The following AATK variants were observed in gnomAD, a reference collection of about 807,000 sequenced individuals.
AATK encodes the protein lemur tail kinase 1.
In AATK, 91 loss-of-function variants were observed where a neutral mutation model predicts 114.3. The observed-to-expected ratio is 0.80, with a 90% CI of 0.67 to 0.95. The LOEUF is 0.95. AATK is among the 40% of genes least tolerant of loss of function. The pLI, the probability that AATK is intolerant of heterozygous loss-of-function variation, is 0.00. For synonymous variants in AATK, 1,075 were observed against 916.5 expected, an observed-to-expected ratio of 1.17 and a Z score of -3.12; for missense variants, 2,176 against 1,965.2, an observed-to-expected ratio of 1.11 and a Z score of -2.03.
chr17:81,126,749 G>T lies in AATK; in HGVS notation c.622-189C>A. 2 of 1,414,484 alleles carry T rather than the reference G, an allele frequency of 1.4e-6. No homozygotes were observed. Among genetic ancestry groups the T allele is most frequent in the East Asian group, 2.5e-5 (1 of 39,284 alleles). The allele number at this position is 1,414,484 out of a possible 1,614,324, so 87.6% of individuals were successfully genotyped here. On this transcript the variant is annotated intron_variant, in intron 6 of 13. Transcript: ENST00000326724. The surrounding 1 kb of genome is among the most constrained non-coding windows in gnomAD (Gnocchi z 5.1). ...CTGGAGGGGGGCCGTGTCCCCCAGG[G>T]CTGGGCTGGACTGAAGGCTTCCTCT... is the stretch of plus-strand genomic sequence containing the variant.
chr17:81,164,730 G>GC (rs1185379113), intron 1 of AATK, among the ~76,000 whole-genome samples: 1 of 152,156 alleles, frequency 6.6e-6, no homozygotes, highest in Non-Finnish European at 1.5e-5. Context: ...TCCACCCCCT[G>GC]CCCTTGGGCC....
chr17:81,133,292 C>A, intron 2 of AATK: 2 of 454,934 alleles, frequency 4.4e-6, no homozygotes, highest in South Asian at 1.6e-5. Context: ...CCGTCACCTG[C>A]CAGGCCAGCG....
rs933173063 is a variant in AATK, at chr17:81,123,256, C to T, written c.1050G>A (p.Thr350=). The T allele has an allele frequency of 1.6e-5, 22 of 1,406,684 alleles. No individual in the cohort carries two copies. The highest frequency in any genetic ancestry group is 2.1e-4 in the Middle Eastern group (1 of 4,842). 87.1% of individuals were successfully genotyped at this position (1,406,684 alleles called of 1,614,324 possible). The change falls in exon 10 of 14, where the codon ACG becomes ACA. Residue 350 remains threonine (T), a synonymous_variant. Coordinates refer to ENST00000326724, the MANE Select transcript of AATK (RefSeq NM_001080395.3). ...QHSDQQVLAY[T]VREQQLKLPK... ...GCAGCTTGAGCTGCTGCTCCCGGACCGTGTACGCCAGCACCTGCTGGTCCG... is the reference window on the plus strand; with the variant it reads ...GCAGCTTGAGCTGCTGCTCCCGGACTGTGTACGCCAGCACCTGCTGGTCCG...
rs750218022 is a variant in AATK at position 81,134,496 on chromosome 17, C to T, written c.61G>A (p.Ala21Thr). ...GGCCAGGACAGCTCGCTGAGCGGGG[C>T]GCCGTCTGCGGGAGAGCAGTGTGGT... Reference protein sequence around the residue: ...AFSSHFDPDGAPLSELSWPSS... With the variant: ...AFSSHFDPDGTPLSELSWPSS... Residue 21 changes from alanine (A) to threonine (T), a missense_variant, in exon 2 of 14, where the codon GCC becomes ACC. Physicochemically the swap from Ala to Thr is moderately conservative, Grantham distance 58. Around this residue, in one of 4 missense-constraint regions of AATK, gnomAD observed 178 missense variants for 175.4 expected, o/e 1.01. Transcript: ENST00000326724. The T allele has an allele frequency of 1.1e-5, 18 of 1,611,478 alleles. No individual in the cohort carries two copies. The highest frequency in any genetic ancestry group is 8.9e-5 in the East Asian group (4 of 44,820).
Position 81,121,746 on chromosome 17 carries a change from C to G in AATK, c.2190G>C (p.Gly730=). 2 of 1,505,564 alleles carry G rather than the reference C, an allele frequency of 1.3e-6. No individual in the cohort carries two copies. Among genetic ancestry groups the G allele is most frequent in the Non-Finnish European group, 1.8e-6 (2 of 1,130,614 alleles). The allele number at this position is 1,505,564 out of a possible 1,614,324, so 93.3% of individuals were successfully genotyped here. The change falls in exon 11 of 14, where the codon GGG becomes GGC. Residue 730 remains glycine (G), a synonymous_variant. Coordinates refer to ENST00000326724, the MANE Select transcript of AATK (RefSeq NM_001080395.3). ...GCTCCTGGGCAGAGGCTGCCTGGAG[C>G]CCAAGCAGAGGCTCTCCAGGGTACC... ...EPGYPGEPLL[G]LQAASAQEPG...
At chr17:81,124,471 C>T (rs993955451) in intron 9 of AATK, among the ~76,000 whole-genome samples, 5 of 152,222 alleles carry the variant, frequency 3.3e-5, no homozygotes, top group African/African-American at 1.2e-4. Flanking sequence ...ACAGACCCCC[C>T]GGCATGCTGA....
intron 1 of AATK, among the ~76,000 whole-genome samples, chr17:81,153,929 A>T (rs2061329395): frequency 1.3e-5 from 2 of 151,956 alleles, no homozygotes; most frequent in Non-Finnish European, 2.9e-5. Context: ...AAATTAACCC[A>T]GCGTGGTGGC....
intron 1 of AATK, among the ~76,000 whole-genome samples, chr17:81,163,606 G>A (rs976766364): frequency 6.6e-6 from 1 of 152,240 alleles, no homozygotes; most frequent in Non-Finnish European, 1.5e-5. Context: ...GGAAGAGCTG[G>A]GCTCCAGAGG....
Position 81,122,825 on chromosome 17 carries a change from T to C in AATK, c.1113-2A>G. 1 of 1,522,220 alleles carries C rather than the reference T, an allele frequency of 6.6e-7. No individual in the cohort carries two copies. The highest frequency in any genetic ancestry group is 8.8e-7 in the Non-Finnish European group (1 of 1,130,750). The allele number at this position is 1,522,220 out of a possible 1,614,324, so 94.3% of individuals were successfully genotyped here. ...CAGCAGAACTGCATCACCTCGTACC[T>C]GCGAGGAGGTCCCCCGGGGGCCACG... On this transcript the variant is annotated splice_acceptor_variant, in intron 10 of 13. Transcript: ENST00000326724. LOFTEE classifies it high-confidence loss of function.
Position 81,122,319 on chromosome 17 carries a change from G to A in AATK, c.1617C>T (p.Pro539=), listed in dbSNP as rs541483093. Residue 539 remains proline (P), a synonymous_variant, in exon 11 of 14, where the codon CCC becomes CCT. Transcript: ENST00000326724. ...CGCAGTCAGGGTCGTGGCCGGCGGC[G>A]GGTGCGGCCTCCTCTAGGCGGATGA... ...EYFIRLEEAA[P]AAGHDPDCAG... 4.0e-6 allele frequency: 6 copies of A among 1,509,888 alleles called. No individual in the cohort carries two copies. Among genetic ancestry groups the A allele is most frequent in the South Asian group, 2.4e-5 (2 of 82,192 alleles). The allele number at this position is 1,509,888 out of a possible 1,614,324, so 93.5% of individuals were successfully genotyped here.
In AATK at chr17:81,120,075, G is replaced by A. The variant is rs2060679095; in HGVS notation, c.3744C>T (p.Pro1248=). The change falls in exon 12 of 14, where the codon CCC becomes CCT. Residue 1248 remains proline, a synonymous_variant. Transcript: ENST00000326724. ...GGAAGGGCTCCCCGAGCTCCCGGGT[G>A]GGGCTTTCCTGGAGGAATCAGAGAG... The part of the protein sequence containing the change: ...VTVYLFDQES[P]TRELGEPFPG... 1 of 1,461,096 alleles carries A rather than the reference G, an allele frequency of 6.8e-7. No individual in the cohort carries two copies. The highest frequency in any genetic ancestry group is 9.1e-7 in the Non-Finnish European group (1 of 1,104,106). 90.5% of individuals were successfully genotyped at this position (1,461,096 alleles called of 1,614,324 possible). A position where few individuals can be genotyped will look rare whatever the true frequency, so the allele number is the denominator to read the frequency against.
chr17:81,143,742 C>A (rs972697857), intron 1 of AATK, among the ~76,000 whole-genome samples: 14 of 152,300 alleles, frequency 9.2e-5, no homozygotes, highest in Admixed American at 5.2e-4. Flanking sequence ...GGGGTGTGAT[C>A]CCCACGGGGT....
intron 1 of AATK, among the ~76,000 whole-genome samples, chr17:81,138,189 GCA>G (rs372977695): frequency 7.0e-3 from 980 of 140,646 alleles, no homozygotes; most frequent in Middle Eastern, 0.013. Flanking sequence ...ACACATGCGT[GCA>G]CACACACACA....
chr17:81,139,302 C>T (rs2061086896), intron 1 of AATK, among the ~76,000 whole-genome samples: 1 of 152,190 alleles, frequency 6.6e-6, no homozygotes, highest in South Asian at 2.1e-4. Flanking sequence ...TGGGACCAGC[C>T]CCCACTAGCA....
At chr17:81,157,002 G>A (rs1220202267) in intron 1 of AATK, among the ~76,000 whole-genome samples, 2 of 152,160 alleles carry the variant, frequency 1.3e-5, no homozygotes, top group Admixed American at 6.5e-5. Context: ...GGACAGCAAC[G>A]GTGCCCCCAC....
At chr17:81,127,434 C>T (rs1380938917) in intron 6 of AATK, 149 bp downstream of exon 6, 2 of 776,068 alleles carry the variant, frequency 2.6e-6, no homozygotes, top group Non-Finnish European at 4.4e-6. Context: ...CCATCGCCTC[C>T]TCTGGAAGGT....
intron 1 of AATK, among the ~76,000 whole-genome samples, chr17:81,143,578 C>T (rs1475834698): frequency 1.2e-4 from 18 of 151,366 alleles, no homozygotes; most frequent in Admixed American, 1.2e-3. Flanking sequence ...GCCATGCAGC[C>T]CCGCCTCCCG....
intron 1 of AATK, among the ~76,000 whole-genome samples, chr17:81,152,120 C>A (rs2061307056): frequency 6.6e-6 from 1 of 151,992 alleles, no homozygotes; most frequent in South Asian, 2.1e-4. Context: ...ACTAAAAATA[C>A]AAAAAATATT....
chr17:81,119,270 G>A, intron 13 of AATK, 110 bp downstream of exon 13: 1 of 1,195,540 alleles, frequency 8.4e-7, no homozygotes, highest in Non-Finnish European at 1.1e-6. Context: ...GCGGAGCGGA[G>A]CGGAGCCGGG....
Sources: allele counts gnomAD v4.1 joint callset (sites outside exome capture counted in the v4.1 genomes callset), GRCh38; gene constraint gnomAD v4.1.1; regional missense constraint gnomAD v4.1.1; non-coding constraint Gnocchi (gnomAD v3.1); transcripts MANE v1.5; gene names NCBI Gene and HGNC (gene_info 2026-07-23, HGNC 2026-07-21).